CNTN1: variants seen among roughly 807,000 people sequenced by gnomAD.
The protein encoded by CNTN1 is contactin-1.
In CNTN1, 38 loss-of-function variants were observed where a neutral mutation model predicts 126.4. The ratio of observed to expected loss-of-function variants is 0.30; its 90% CI spans 0.23 to 0.39. The LOEUF (loss-of-function observed/expected upper bound fraction) is 0.39, where lower values mean the gene tolerates loss of function less well. Among genes scored for constraint, CNTN1 ranks in the 10% least tolerant of loss-of-function variants. CNTN1 has a pLI of 1.00. For synonymous variants in CNTN1, 413 were observed against 422.6 expected (o/e 0.98, Z 0.28); for missense variants, 1,009 against 1,248.4 (o/e 0.81, Z 2.89).
At chr12:40,981,526 T>C (rs1947821466) in intron 16 of CNTN1, among the ~76,000 whole-genome samples, 1 of 152,188 alleles carries the variant, frequency 6.6e-6, no homozygotes, top group Admixed American at 6.5e-5. Context: ...TAACCCTTTA[T>C]GTGAATGATC....
chr12:40,703,421 G>T (rs1005209814), intron 1 of CNTN1, among the ~76,000 whole-genome samples: 3 of 152,162 alleles, frequency 2.0e-5, no homozygotes, highest in Non-Finnish European at 4.4e-5. Context: ...AATGGATAAA[G>T]ATTTAAATCT....
At chr12:40,824,903 C>G (rs1941560265) in intron 1 of CNTN1, among the ~76,000 whole-genome samples, 1 of 152,064 alleles carries the variant, frequency 6.6e-6, no homozygotes, top group African/African-American at 2.4e-5. Context: ...ATTTATCTAG[C>G]AGTTATTTTA....
chr12:40,797,910 C>A (rs928892242), intron 1 of CNTN1, among the ~76,000 whole-genome samples: 9 of 151,956 alleles, frequency 5.9e-5, no homozygotes, highest in African/African-American at 2.2e-4. Context: ...GGAAGATGAT[C>A]CCATTTTATG....
intron 20 of CNTN1, 28 bp from the exon 21 acceptor site, chr12:41,025,122 A>AAAT: frequency 2.5e-6 from 4 of 1,612,584 alleles, no homozygotes; most frequent in Non-Finnish European, 3.4e-6. Flanking sequence ...AATCATGGCA[A>AAAT]AATATAACTC....
chr12:40,964,521 AGTGAGT>A (rs1384636374), intron 15 of CNTN1, among the ~76,000 whole-genome samples: 1 of 112,720 alleles, frequency 8.9e-6, no homozygotes, highest in African/African-American at 3.7e-5. Context: ...ACACCGTGTA[AGTGAGT>A]GTGTGTGTGT....
rs1384306723 is a variant in CNTN1 at position 40,967,976 on chromosome 12, A to C, written c.1804+8742A>C. On this transcript the variant is annotated intron_variant, in intron 15 of 23. Transcript: ENST00000551295. ...ATTATATGTCATATAACATGTATTGATTATATCATAAAATGATATATAACA... is the reference window on the plus strand; with the variant it reads ...ATTATATGTCATATAACATGTATTGCTTATATCATAAAATGATATATAACA... Among the ~76,000 whole-genome samples the C allele has an allele frequency of 6.0e-5, 9 of 151,238 alleles. No individual in the cohort carries two copies. In the South Asian group the frequency reaches 1.9e-3, roughly 32 times the overall value.
chr12:40,791,909 C>T (rs1940234282), intron 1 of CNTN1, among the ~76,000 whole-genome samples: 1 of 152,050 alleles, frequency 6.6e-6, no homozygotes, highest in Non-Finnish European at 1.5e-5. Context: ...GTAGTCTGAT[C>T]AATCTACTCA....
chr12:40,894,832 T>C (rs1474007493), intron 1 of CNTN1, among the ~76,000 whole-genome samples: 1 of 152,166 alleles, frequency 6.6e-6, no homozygotes, highest in East Asian at 1.9e-4. Context: ...GTGGGGAATT[T>C]GAGTGTCATT....
intron 7 of CNTN1, among the ~76,000 whole-genome samples, chr12:40,933,028 C>T (rs1451181921): frequency 6.6e-6 from 1 of 151,642 alleles, no homozygotes; most frequent in Non-Finnish European, 1.5e-5. Flanking sequence ...TTTCCCTTTG[C>T]CTTTATCTCT....
At chr12:40,813,590 A>G (rs1941163173) in intron 1 of CNTN1, among the ~76,000 whole-genome samples, 1 of 152,184 alleles carries the variant, frequency 6.6e-6, no homozygotes, top group Admixed American at 6.5e-5. Flanking sequence ...TATTCAGTCT[A>G]TCATTGGTGG....
At chr12:41,061,304 G>C (rs767904434) in intron 23 of CNTN1, among the ~76,000 whole-genome samples, 23 of 152,132 alleles carry the variant, frequency 1.5e-4, no homozygotes, top group Non-Finnish European at 2.5e-4. Context: ...TATTGGAAAT[G>C]CTCACTCCTT....
intron 1 of CNTN1, among the ~76,000 whole-genome samples, chr12:40,745,878 T>A (rs1439822574): frequency 2.0e-5 from 3 of 152,144 alleles, no homozygotes; most frequent in African/African-American, 7.2e-5. Context: ...TAGGGTTAAA[T>A]AAAACCCCTC....
intron 1 of CNTN1, among the ~76,000 whole-genome samples, chr12:40,726,339 C>A (rs1337392255): frequency 6.6e-6 from 1 of 152,140 alleles, no homozygotes; most frequent in South Asian, 2.1e-4. Flanking sequence ...AAGTACCACA[C>A]ACTGGGTAAT....
intron 8 of CNTN1, 53 bp from the exon 9 acceptor site, chr12:40,933,644 G>T: frequency 6.4e-7 from 1 of 1,560,542 alleles, no homozygotes; most frequent in Non-Finnish European, 8.8e-7. Flanking sequence ...TAAACATAAA[G>T]TAATTGTCTT....
intron 1 of CNTN1, among the ~76,000 whole-genome samples, chr12:40,807,732 A>G (rs925396745): frequency 1.3e-5 from 2 of 152,144 alleles, no homozygotes; most frequent in Non-Finnish European, 2.9e-5. Flanking sequence ...TTGTTAAGCC[A>G]TTGTACTGTT....
chr12:40,728,239 G>C (rs886612841), intron 1 of CNTN1, among the ~76,000 whole-genome samples: 2 of 152,138 alleles, frequency 1.3e-5, no homozygotes, highest in African/African-American at 4.8e-5. Context: ...TCCAGAGGCA[G>C]GCAGTTTAGA....
intron 3 of CNTN1, among the ~76,000 whole-genome samples, chr12:40,912,073 A>T (rs1395002774): frequency 6.6e-6 from 1 of 152,232 alleles, no homozygotes; most frequent in Non-Finnish European, 1.5e-5. Context: ...GTTTTTAATG[A>T]TTATTTTACA....
intron 1 of CNTN1, among the ~76,000 whole-genome samples, chr12:40,809,983 G>A (rs551439797): frequency 1.1e-4 from 17 of 152,222 alleles, no homozygotes; most frequent in Non-Finnish European, 1.9e-4. Context: ...CTTTGGGGCT[G>A]GTAGAGGATG....
At position 40,757,395 on chromosome 12, in the gene CNTN1, C is replaced by G. The variant is rs564300310; in HGVS notation, c.-77+64803C>G. On this transcript the variant is annotated intron_variant, in intron 1 of 23. Transcript: ENST00000551295. Reference sequence around the variant, plus strand: ...TTTTAAAGCATCCTCTAGCTCAGAGCATTCATTCTTATAAGAATTCCTATT... The same window carrying G: ...TTTTAAAGCATCCTCTAGCTCAGAGGATTCATTCTTATAAGAATTCCTATT... Among the ~76,000 whole-genome samples the G allele has an allele frequency of 4.6e-5, 7 of 152,270 alleles. No individual in the cohort carries two copies. In the South Asian group the frequency reaches 1.5e-3, roughly 32 times the overall value.
Sources: gnomAD v4.1 joint callset for allele counts (sites outside exome capture counted in the v4.1 genomes callset) on GRCh38, gnomAD v4.1.1 for gene constraint, MANE v1.5 for transcripts, NCBI Gene and HGNC (gene_info 2026-07-23, HGNC 2026-07-21) for gene names.